CORO1C: variants seen among roughly 807,000 people sequenced by gnomAD.
The protein encoded by CORO1C is coronin 1C.
In CORO1C, 14 loss-of-function variants were observed where a neutral mutation model predicts 51.2. That is an observed-to-expected ratio of 0.27 (90% CI 0.18 to 0.43). The LOEUF (loss-of-function observed/expected upper bound fraction) is 0.43, where lower values mean the gene tolerates loss of function less well. Among genes scored for constraint, CORO1C ranks in the 20% least tolerant of loss-of-function variants. The pLI is 1.00. For missense variants in CORO1C, 417 were observed against 607.8 expected, an observed-to-expected ratio of 0.69 and a Z score of 3.30; for synonymous variants, 181 against 210.5, an observed-to-expected ratio of 0.86 and a Z score of 1.21.
At chr12:108,704,228 A>G (rs1052648035) in intron 1 of CORO1C, among the ~76,000 whole-genome samples, 1 of 152,222 alleles carries the variant, frequency 6.6e-6, no homozygotes, top group African/African-American at 2.4e-5. Context: ...CTGTAATCCC[A>G]GCACTTTGGG....
At chr12:108,709,832 T>C (rs1220258360) in intron 1 of CORO1C, among the ~76,000 whole-genome samples, 1 of 152,246 alleles carries the variant, frequency 6.6e-6, no homozygotes, top group Non-Finnish European at 1.5e-5. Context: ...GGTTCAACTT[T>C]GGAAAAACTG....
intron 1 of CORO1C, among the ~76,000 whole-genome samples, chr12:108,723,447 G>A (rs1353226989): frequency 6.6e-6 from 1 of 152,196 alleles, no homozygotes; most frequent in Non-Finnish European, 1.5e-5. Flanking sequence ...ATTTTGTCAT[G>A]CACCCCTATG....
At chr12:108,720,738 T>C (rs886341745) in intron 1 of CORO1C, among the ~76,000 whole-genome samples, 1 of 152,040 alleles carries the variant, frequency 6.6e-6, no homozygotes, top group Non-Finnish European at 1.5e-5. Flanking sequence ...TTAGCCAGGA[T>C]GGTCTCGACA....
intron 2 of CORO1C, among the ~76,000 whole-genome samples, chr12:108,692,616 G>A (rs190294020): frequency 6.6e-6 from 1 of 152,304 alleles, no homozygotes; most frequent in African/African-American, 2.4e-5. Context: ...GTGAACTGCT[G>A]CGATTTCATC....
At chr12:108,728,689 A>C (rs2035647116) in intron 1 of CORO1C, among the ~76,000 whole-genome samples, 1 of 152,202 alleles carries the variant, frequency 6.6e-6, no homozygotes, top group Admixed American at 6.5e-5. Flanking sequence ...AATCTTGTTC[A>C]CTCACTTTAA....
chr12:108,724,013 G>T (rs1483564658), intron 1 of CORO1C, among the ~76,000 whole-genome samples: 1 of 152,184 alleles, frequency 6.6e-6, no homozygotes, highest in Non-Finnish European at 1.5e-5. Flanking sequence ...ATTAAAAATA[G>T]AAATCAAGTT....
At position 108,693,050 on chromosome 12, in the gene CORO1C, G is replaced by A. The variant is rs151165613; in HGVS notation, c.195+8074C>T. Among the ~76,000 whole-genome samples, 62 of 151,902 alleles carry A rather than the reference G, an allele frequency of 4.1e-4. No individual in the cohort carries two copies. The East Asian group carries it at 0.01, about 25-fold the overall frequency. ...TGACCTCAGGTGATCCACCTGCCTC[G>A]GCCTCCCAAAGCGCTGGAATTACAA... is the stretch of plus-strand genomic sequence containing the variant. On this transcript the variant is annotated intron_variant, in intron 2 of 10. Transcript: ENST00000261401.
intron 2 of CORO1C, among the ~76,000 whole-genome samples, chr12:108,689,183 G>A (rs1043441624): frequency 1.3e-5 from 2 of 152,300 alleles, no homozygotes; most frequent in African/African-American, 2.4e-5. Context: ...CTGGGCAACA[G>A]AGCGAGACTC....
intron 3 of CORO1C, among the ~76,000 whole-genome samples, chr12:108,675,210 T>C (rs2033863649): frequency 6.6e-6 from 1 of 152,202 alleles, no homozygotes; most frequent in Admixed American, 6.5e-5. Context: ...TGCTACTGCA[T>C]ACTTAATAGA....
At chr12:108,722,485 T>G (rs1316898182) in intron 1 of CORO1C, among the ~76,000 whole-genome samples, 2 of 152,120 alleles carry the variant, frequency 1.3e-5, no homozygotes, top group Admixed American at 6.5e-5. Context: ...CATGAGTCCT[T>G]ACTTCTCTTT....
chr12:108,677,245 A>G (rs1057349204), intron 3 of CORO1C, among the ~76,000 whole-genome samples: 1 of 152,078 alleles, frequency 6.6e-6, no homozygotes, highest in Non-Finnish European at 1.5e-5. Context: ...TTTTCAGCCT[A>G]CTTTGGGCTA....
intron 6 of CORO1C, among the ~76,000 whole-genome samples, chr12:108,655,959 C>A (rs147276847): frequency 6.6e-6 from 1 of 150,832 alleles, no homozygotes; most frequent in African/African-American, 2.4e-5. Flanking sequence ...GGCCGCCCAT[C>A]GTCTGAGATG....
chr12:108,662,203 T>A (rs1475763695), intron 3 of CORO1C, 45 bp from the exon 4 acceptor site: 1 of 1,579,710 alleles, frequency 6.3e-7, no homozygotes, highest in Admixed American at 1.7e-5. Context: ...AGCTATTGCC[T>A]TTCATTATCA....
At chr12:108,675,618 T>C (rs1305794011) in intron 3 of CORO1C, among the ~76,000 whole-genome samples, 2 of 152,202 alleles carry the variant, frequency 1.3e-5, no homozygotes, top group African/African-American at 2.4e-5. Context: ...ACTATACTAT[T>C]TGGTAACTAA....
At chr12:108,672,073 T>A (rs185857886) in intron 3 of CORO1C, among the ~76,000 whole-genome samples, 83 of 152,326 alleles carry the variant, frequency 5.4e-4, no homozygotes, top group African/African-American at 1.8e-3. Flanking sequence ...AATCATTTTA[T>A]ATTCAGAGAA....
chr12:108,698,670 G>T (rs1317854972), intron 2 of CORO1C, among the ~76,000 whole-genome samples: 2 of 152,238 alleles, frequency 1.3e-5, no homozygotes, highest in African/African-American at 2.4e-5. Flanking sequence ...GCCTCCCAAA[G>T]TGCTGGGATT....
At position 108,695,925 on chromosome 12, in the gene CORO1C, A is replaced by C. The variant is rs149819630; in HGVS notation, c.195+5199T>G. Among the ~76,000 whole-genome samples, 5 of 151,954 alleles carry C rather than the reference A, an allele frequency of 3.3e-5. No individual in the cohort carries two copies. The East Asian group carries it at 9.6e-4, about 29-fold the overall frequency. ...GAGCTAAATTCTTTCATAAAACCCT[A>C]CATGAAAAACTGCAAAATGAGTTGA... On this transcript the variant is annotated intron_variant, in intron 2 of 10. Transcript: ENST00000261401.
intron 1 of CORO1C, among the ~76,000 whole-genome samples, chr12:108,711,690 A>G (rs1330011650): frequency 1.3e-5 from 2 of 152,022 alleles, no homozygotes; most frequent in Admixed American, 1.3e-4. Context: ...AAAAAAAAAA[A>G]AAAAAACTTA....
chr12:108,672,542 TTC>T (rs1193932864), intron 3 of CORO1C, among the ~76,000 whole-genome samples: 2 of 152,210 alleles, frequency 1.3e-5, no homozygotes, highest in Admixed American at 6.5e-5. Context: ...AGACCCTGCA[TTC>T]TCTGTGTGAA....
Sources: gnomAD v4.1 joint callset for allele counts (sites outside exome capture counted in the v4.1 genomes callset) on GRCh38, gnomAD v4.1.1 for gene constraint, MANE v1.5 for transcripts, NCBI Gene and HGNC (gene_info 2026-07-23, HGNC 2026-07-21) for gene names.